The following DCAF8L2 variants were observed in gnomAD, a reference collection of about 807,000 sequenced individuals.
The protein encoded by DCAF8L2 is DDB1 and CUL4 associated factor 8 like 2.
For synonymous variants in DCAF8L2, 200 were observed against 190.9 expected (o/e 1.05, Z -0.39); for missense variants, 430 against 490.7 (o/e 0.88, Z 1.17).
the DCAF8L2 span, among the ~76,000 whole-genome samples, chrX:27,583,836 T>C: frequency 8.9e-6 from 1 of 112,014 alleles, no homozygotes; most frequent in African/African-American, 3.2e-5. Flanking sequence ...TCCCTGGTGC[T>C]AAAATGGTTG....
intron 4 of DCAF8L2, among the ~76,000 whole-genome samples, chrX:27,724,886 G>A (rs1254198761): frequency 1.8e-5 from 2 of 110,557 alleles, no homozygotes; most frequent in Admixed American, 9.7e-5. Flanking sequence ...TCATATTTTA[G>A]CCAAGAAGAA....
chrX:27,717,667 C>T (rs2147292480), intron 4 of DCAF8L2, among the ~76,000 whole-genome samples: 1 of 112,233 alleles, frequency 8.9e-6, no homozygotes, highest in Admixed American at 9.4e-5. Context: ...GATTTTCTCC[C>T]ACTCTGTAGG....
chrX:27,735,152 T>G (rs1921449804), intron 4 of DCAF8L2, among the ~76,000 whole-genome samples: 1 of 111,938 alleles, frequency 8.9e-6, no homozygotes, highest in African/African-American at 3.2e-5. Context: ...TTACAATTAT[T>G]TTCTATCTAT....
At chrX:27,656,648 G>A (rs1929364143) in intron 2 of DCAF8L2, among the ~76,000 whole-genome samples, 1 of 111,625 alleles carries the variant, frequency 9.0e-6, no homozygotes, top group Non-Finnish European at 1.9e-5. Context: ...CAGGTAATGG[G>A]TTGGCTGGAG....
intron 2 of DCAF8L2, among the ~76,000 whole-genome samples, chrX:27,655,870 A>G (rs749275425): frequency 8.4e-4 from 93 of 111,357 alleles, no homozygotes; most frequent in Non-Finnish European, 1.5e-3. Context: ...TAAAACTTCA[A>G]ATTTGTGAGT....
chrX:27,534,038 T>A, the DCAF8L2 span, among the ~76,000 whole-genome samples: 1 of 109,919 alleles, frequency 9.1e-6, no homozygotes, highest in Non-Finnish European at 1.9e-5. Context: ...GCAAAAACCC[T>A]TCTTTACAAA....
At chrX:27,555,192 A>G in the DCAF8L2 span, among the ~76,000 whole-genome samples, 1 of 112,032 alleles carries the variant, frequency 8.9e-6, no homozygotes, top group African/African-American at 3.2e-5. Context: ...CAGAGATAAA[A>G]TATATGGACT....
At chrX:27,492,052 C>T in the DCAF8L2 span, among the ~76,000 whole-genome samples, 25 of 112,417 alleles carry the variant, frequency 2.2e-4, no homozygotes, top group Non-Finnish European at 4.1e-4. Flanking sequence ...AAACCTTGGG[C>T]CTGTTTCCAG....
intron 3 of DCAF8L2, among the ~76,000 whole-genome samples, chrX:27,688,863 T>A: frequency 8.9e-6 from 1 of 111,881 alleles, no homozygotes; most frequent in Non-Finnish European, 1.9e-5. Flanking sequence ...TTTCATTTGC[T>A]ATTTTTTTAA....
chrX:27,569,585 T>C, the DCAF8L2 span, among the ~76,000 whole-genome samples: 2 of 112,341 alleles, frequency 1.8e-5, no homozygotes, highest in African/African-American at 6.5e-5. Flanking sequence ...CAGGTAGCTG[T>C]ATTGACAAAG....
the DCAF8L2 span, among the ~76,000 whole-genome samples, chrX:27,509,285 T>C: frequency 9.0e-6 from 1 of 111,462 alleles, no homozygotes; most frequent in Non-Finnish European, 1.9e-5. Flanking sequence ...GTGACTACCA[T>C]GGATTTCCCT....
intron 2 of DCAF8L2, among the ~76,000 whole-genome samples, chrX:27,663,490 T>A (rs184513837): frequency 1.3e-4 from 14 of 111,152 alleles, no homozygotes; most frequent in African/African-American, 4.6e-4. Flanking sequence ...TGATCTGCTA[T>A]CAGTGATATT....
chrX:27,584,715 A>T, the DCAF8L2 span, among the ~76,000 whole-genome samples: 1 of 111,862 alleles, frequency 8.9e-6, no homozygotes, highest in Non-Finnish European at 1.9e-5. Context: ...AGGCACTCAC[A>T]TGTGCACAGA....
chrX:27,517,324 G>A, the DCAF8L2 span, among the ~76,000 whole-genome samples: 1 of 110,939 alleles, frequency 9.0e-6, no homozygotes, highest in African/African-American at 3.3e-5. Flanking sequence ...GATATGAGAA[G>A]GGCACACTGA....
intron 2 of DCAF8L2, among the ~76,000 whole-genome samples, chrX:27,667,049 C>G (rs1203450396): frequency 1.9e-5 from 2 of 107,439 alleles, no homozygotes; most frequent in African/African-American, 6.9e-5. Context: ...TCAGATACTG[C>G]TGGTTCAAGA....
intron 4 of DCAF8L2, among the ~76,000 whole-genome samples, chrX:27,739,414 A>G (rs753217019): frequency 9.0e-6 from 1 of 111,515 alleles, no homozygotes; most frequent in South Asian, 3.8e-4. Flanking sequence ...CACTTTCTTC[A>G]TATTCTCATA....
chrX:27,569,831 C>G, the DCAF8L2 span, among the ~76,000 whole-genome samples: 1 of 111,279 alleles, frequency 9.0e-6, no homozygotes, highest in Non-Finnish European at 1.9e-5. Context: ...TCTGTGTGAT[C>G]TTAAAGTTAT....
chrX:27,486,405 A>G, the DCAF8L2 span, among the ~76,000 whole-genome samples: 2 of 111,966 alleles, frequency 1.8e-5, no homozygotes, highest in East Asian at 5.6e-4. Context: ...GTTTCATAAC[A>G]AAGAGATTTC....
At chrX:27,717,622 G>A (rs1180057831) in intron 4 of DCAF8L2, among the ~76,000 whole-genome samples, 1 of 112,073 alleles carries the variant, frequency 8.9e-6, no homozygotes, top group Non-Finnish European at 1.9e-5. Context: ...GCAGATTCTG[G>A]ATATTAGACC....
Sources: allele counts gnomAD v4.1 joint callset (sites outside exome capture counted in the v4.1 genomes callset), GRCh38; gene constraint gnomAD v4.1.1; transcripts MANE v1.5; gene names NCBI Gene and HGNC (gene_info 2026-07-23, HGNC 2026-07-21).